MICAL2: variants seen among roughly 807,000 people sequenced by gnomAD.
MICAL2 encodes microtubule associated monooxygenase, calponin and LIM domain containing 2.
A neutral mutation model predicts 127.3 loss-of-function variants in MICAL2; 77 were observed. The observed-to-expected ratio is 0.60, with a 90% CI of 0.50 to 0.73. The LOEUF is 0.73. Among genes scored for constraint, MICAL2 ranks in the 30% least tolerant of loss-of-function variants. The pLI is 0.00. For missense variants in MICAL2, 1,351 were observed against 1,434.4 expected, an observed-to-expected ratio of 0.94 and a Z score of 0.94; for synonymous variants, 570 against 551.1, an observed-to-expected ratio of 1.03 and a Z score of -0.48.
At chr11:12,272,976 A>G (rs543967149), upstream of MICAL2, among the ~76,000 whole-genome samples, 134 of 152,250 alleles carry the variant, frequency 8.8e-4, 1 homozygote, top group Middle Eastern at 3.4e-3. Flanking sequence ...TATACACCCC[A>G]CCAACTCCAG....
intron 3 of MICAL2, among the ~76,000 whole-genome samples, chr11:12,177,127 G>A (rs1233007421): frequency 6.6e-6 from 1 of 152,118 alleles, no homozygotes; most frequent in Non-Finnish European, 1.5e-5. Flanking sequence ...TACTAGCAAT[G>A]TCCAAGGGTT....
chr11:12,129,074 C>T (rs866693008), intron 1 of MICAL2, among the ~76,000 whole-genome samples: 1 of 152,096 alleles, frequency 6.6e-6, no homozygotes, highest in African/African-American at 2.4e-5. Context: ...TTCTGTTTTG[C>T]CTTATTATAT....
intron 3 of MICAL2, among the ~76,000 whole-genome samples, chr11:12,170,481 A>G (rs574884111): frequency 6.6e-6 from 1 of 152,350 alleles, no homozygotes; most frequent in East Asian, 1.9e-4. Flanking sequence ...TTGCTGTATC[A>G]GTAAAAGTGA....
intron 24 of MICAL2, among the ~76,000 whole-genome samples, chr11:12,269,801 T>C (rs553616450): frequency 1.3e-5 from 2 of 152,284 alleles, no homozygotes; most frequent in African/African-American, 4.8e-5. Flanking sequence ...GCCTGGCTTG[T>C]GGGCAGTGGA....
intron 25 of MICAL2, among the ~76,000 whole-genome samples, 165 bp downstream of exon 25, chr11:12,258,721 A>T (rs1862670709): frequency 6.6e-6 from 1 of 152,244 alleles, no homozygotes. Context: ...CTTTTGCTTC[A>T]GTCTGTTCCA....
chr11:12,335,935 G>A (rs899427958), intron 32 of MICAL2, among the ~76,000 whole-genome samples: 42 of 152,230 alleles, frequency 2.8e-4, no homozygotes, highest in Non-Finnish European at 4.1e-4. Context: ...TTGACAATGC[G>A]GGCTCTTTTT....
At chr11:12,342,850 C>T (rs1210769962) in intron 32 of MICAL2, among the ~76,000 whole-genome samples, 4 of 152,228 alleles carry the variant, frequency 2.6e-5, no homozygotes, top group African/African-American at 7.2e-5. Flanking sequence ...GCTTCTTTCA[C>T]TTTGCTCTAT....
In MICAL2 at chr11:12,139,841, C is replaced by T. The variant is rs1020199911; in HGVS notation, c.-78+1381C>T. 3.9e-5 allele frequency among the ~76,000 whole-genome samples: 6 copies of T among 152,176 alleles called. No homozygotes were observed. The South Asian group carries it at 1.2e-3, about 32-fold the overall frequency. ...GGAGTGTGAGCAATTCTGGCTGGCT[C>T]AATCCTATTGCCCTCAAATGAATTT... On this transcript the variant is annotated intron_variant, in intron 2 of 27. Transcript: ENST00000683283.
At chr11:12,283,293 A>T (rs1364540801) in intron 2 of MICAL2, among the ~76,000 whole-genome samples, 1 of 151,770 alleles carries the variant, frequency 6.6e-6, no homozygotes, top group African/African-American at 2.4e-5. Flanking sequence ...GGAATGCCAG[A>T]CAAGACCAGG....
intron 32 of MICAL2, among the ~76,000 whole-genome samples, chr11:12,343,181 G>T (rs969407975): frequency 6.6e-6 from 1 of 152,102 alleles, no homozygotes; most frequent in Admixed American, 6.6e-5. Context: ...GCTGAGGTGG[G>T]CGGATCACCT....
intron 16 of MICAL2, among the ~76,000 whole-genome samples, chr11:12,238,017 T>C (rs1312743472): frequency 4.6e-5 from 7 of 152,232 alleles, no homozygotes; most frequent in African/African-American, 1.7e-4. Context: ...AGGGTATGCC[T>C]CTTCGGTTTG....
chr11:12,178,251 G>C (rs1477840911), intron 3 of MICAL2, among the ~76,000 whole-genome samples: 1 of 152,176 alleles, frequency 6.6e-6, no homozygotes, highest in Non-Finnish European at 1.5e-5. Flanking sequence ...CATGGAAGCT[G>C]CTGACAAAAA....
chr11:12,260,625 T>G, intron 26 of MICAL2: 1 of 987,284 alleles, frequency 1.0e-6, no homozygotes, highest in African/African-American at 1.7e-5. Flanking sequence ...GACCAGTGCC[T>G]TTTGACTTAG....
chr11:12,265,058 T>C (rs1863565420), downstream of MICAL2, among the ~76,000 whole-genome samples: 2 of 152,218 alleles, frequency 1.3e-5, no homozygotes, highest in Non-Finnish European at 2.9e-5. Flanking sequence ...CGTCACTTTA[T>C]TGTCAAAGCG....
downstream of MICAL2, among the ~76,000 whole-genome samples, chr11:12,289,038 CAGGTGGGAGGGCCGG>C (rs1421782774): frequency 1.3e-5 from 2 of 152,256 alleles, no homozygotes; most frequent in African/African-American, 4.8e-5. Flanking sequence ...CCCCAAGCCC[CAGGTGGGAGGGCCGG>C]AGGGGATATG....
chr11:12,359,152 GAAAA>G (rs1196152628), downstream of MICAL2: 1 of 152,270 alleles, frequency 6.6e-6, no homozygotes, highest in Non-Finnish European at 1.5e-5. Flanking sequence ...AAGAAGAAAA[GAAAA>G]AAGGAAATAA....
chr11:12,120,914 T>C (rs761428640), intron 1 of MICAL2, among the ~76,000 whole-genome samples: 72 of 152,308 alleles, frequency 4.7e-4, no homozygotes, highest in Admixed American at 9.1e-4. Flanking sequence ...ACAGCTGCCA[T>C]TCCCCTGGAC....
In MICAL2 at chr11:12,227,081, A is replaced by G; in HGVS notation, c.1945A>G (p.Ile649Val). Residue 649 changes from isoleucine (I) to valine (V), a missense_variant, in exon 15 of 28, where the codon ATT becomes GTT. This residue lies in a region of MICAL2 where 752 missense variants were observed against 719.4 expected (regional missense o/e 1.05). Transcript: ENST00000683283. ...NADLSLAKSS[I>V]SNNYLNLTFP... ...TGACCTCAGCTTGGCCAAATCATCCATTTCTAATAACTATCTCAACCTCAC... is the reference window on the plus strand; with the variant it reads ...TGACCTCAGCTTGGCCAAATCATCCGTTTCTAATAACTATCTCAACCTCAC... The G allele has an allele frequency of 6.2e-7, 1 of 1,614,074 alleles. No homozygotes were observed. The highest frequency in any genetic ancestry group is 8.5e-7 in the Non-Finnish European group (1 of 1,179,996).
Position 12,222,667 on chromosome 11 carries a change from A to G in MICAL2, c.1373A>G (p.Lys458Arg), listed in dbSNP as rs1291239001. Reference sequence around the variant, plus strand: ...CAGACAACCCCGGAGAACATCAACAAGAACTTTGAGCAGTACACGTTGGAC... The same window carrying G: ...CAGACAACCCCGGAGAACATCAACAGGAACTTTGAGCAGTACACGTTGGAC... ...LPQTTPENIN[K>R]NFEQYTLDPG... The change falls in exon 11 of 28, where the codon AAG (lysine) becomes AGG (arginine). Residue 458 changes from lysine (K) to arginine (R), a missense_variant. This residue lies in a region of MICAL2 where 599 missense variants were observed against 714.9 expected (regional missense o/e 0.84). Transcript: ENST00000683283. 3.1e-6 allele frequency: 5 copies of G among 1,614,122 alleles called. No individual in the cohort carries two copies. Among genetic ancestry groups the G allele is most frequent in the Non-Finnish European group, 4.2e-6 (5 of 1,180,052 alleles).
Sources: allele counts gnomAD v4.1 joint callset (sites outside exome capture counted in the v4.1 genomes callset), GRCh38; gene constraint gnomAD v4.1.1; regional missense constraint gnomAD v4.1.1; transcripts MANE v1.5; gene names NCBI Gene and HGNC (gene_info 2026-07-23, HGNC 2026-07-21).